COL16A1: variants seen among roughly 807,000 people sequenced by gnomAD.
COL16A1 encodes the protein collagen alpha-1(XVI) chain.
COL16A1 carries 189 observed loss-of-function variants against 266.3 expected under a neutral mutation model. The ratio of observed to expected loss-of-function variants is 0.71; its 90% CI spans 0.63 to 0.80. COL16A1 has a LOEUF of 0.80. Ranked by LOEUF, COL16A1 falls within the 30% of genes least tolerant of loss-of-function variation. The pLI, the probability that COL16A1 is intolerant of heterozygous loss-of-function variation, is 0.00. For synonymous variants in COL16A1, 740 were observed against 782.3 expected (o/e 0.95, Z 0.90); for missense variants, 1,928 against 2,122.4 (o/e 0.91, Z 1.80).
chr1:31,683,355 G>C lies in COL16A1; in HGVS notation c.2394C>G (p.Ala798=). ...GTACCTGAATGCCAGGCAAACCCGG[G>C]GCTCCAGGCTCCCCCTGCAAGTCAG... is the stretch of plus-strand genomic sequence containing the variant. ...GVQGPQGEPG[A]PGLPGIQGLP... Residue 798 remains alanine (A), a synonymous_variant, in exon 35 of 71, where the codon GCC becomes GCG. Coordinates refer to ENST00000373672, the MANE Select transcript of COL16A1 (RefSeq NM_001856.4). 1 of 1,614,110 alleles carries C rather than the reference G, an allele frequency of 6.2e-7. No individual in the cohort carries two copies.
At position 31,655,368 on chromosome 1, in the gene COL16A1, AGGGT is replaced by A; in HGVS notation, c.4232_4235del (p.His1411LeufsTer23). 1 of 1,613,970 alleles carries A rather than the reference AGGGT, an allele frequency of 6.2e-7. No individual in the cohort carries two copies. The highest frequency in any genetic ancestry group is 8.5e-7 in the Non-Finnish European group (1 of 1,179,970). Reference sequence around the variant, plus strand: ...GGCTCCCCGAAGGCCCCGGAGCTCCAGGGTGGCCTCTCTCTCCTGCAGGGCCCGG... The same window carrying A: ...GGCTCCCCGAAGGCCCCGGAGCTCCAGGCCTCTCTCTCCTGCAGGGCCCGG... On this transcript the variant is annotated frameshift_variant, in exon 67 of 71. Coordinates refer to ENST00000373672, the MANE Select transcript of COL16A1 (RefSeq NM_001856.4). LOFTEE classifies it high-confidence loss of function.
Position 31,683,949 on chromosome 1 carries a change from C to T in COL16A1, c.2337+1G>A. On this transcript the variant is annotated splice_donor_variant, in intron 33 of 70. Transcript: ENST00000373672. LOFTEE classifies it high-confidence loss of function. The stretch of plus-strand genomic sequence containing the variant: ...CCCAGGGCCCCAAGACTCACACATA[C>T]CTGCACGCCCTTCAGTCCTGGGGGC... 14 of 1,614,204 alleles carry T rather than the reference C, an allele frequency of 8.7e-6. No individual in the cohort carries two copies. Among genetic ancestry groups the T allele is most frequent in the Non-Finnish European group, 1.0e-5 (12 of 1,180,022 alleles).
rs781075818 is a variant in COL16A1, at chr1:31,692,533, G to A, written c.1159-24C>T. 5 of 1,614,056 alleles carry A rather than the reference G, an allele frequency of 3.1e-6. No individual in the cohort carries two copies. The South Asian group carries it at 5.5e-5, about 18-fold the overall frequency. ...CCCTGAGATGAGGAAGGGAGACAGA[G>A]GAAGGGAGGGTAAGGCTGGGCCCTG... is the stretch of plus-strand genomic sequence containing the variant. On this transcript the variant is annotated intron_variant, in intron 15 of 70. Transcript: ENST00000373672.
chr1:31,672,764 T>C lies in COL16A1; in HGVS notation c.2936A>G (p.Gln979Arg). Residue 979 changes from glutamine to arginine, a missense_variant, in exon 45 of 71, where the codon CAG becomes CGG. Coordinates refer to ENST00000373672, the MANE Select transcript of COL16A1 (RefSeq NM_001856.4). ...YLVEKGEKGD[Q>R]GIPGVPGLDN... is the part of the protein sequence containing the mutation. ...GAGGCCTGGCACACCAGGGATGCCC[T>C]GGTCTCCCTTCTCTCCCTTCTCCAC... 6.2e-7 allele frequency: 1 copy of C among 1,614,176 alleles called. No individual in the cohort carries two copies.
rs367997955 is a variant in COL16A1 at position 31,665,536 on chromosome 1, G to A, written c.3492+47C>T. 6.3e-5 allele frequency: 101 copies of A among 1,613,792 alleles called. 2 individuals are homozygous for A. The Middle Eastern group carries it at 5.1e-3, about 81-fold the overall frequency. On this transcript the variant is annotated intron_variant, in intron 55 of 70. Coordinates refer to ENST00000373672, the MANE Select transcript of COL16A1 (RefSeq NM_001856.4). ...TGGCCTGGTCAGGCCTGCCCCTCCC[G>A]ATGAGACCACATCAGACAGAGCTGG...
intron 52 of COL16A1, 192 bp from the exon 53 acceptor site, chr1:31,666,273 C>T (rs955557865): frequency 8.0e-6 from 5 of 621,720 alleles, no homozygotes; most frequent in African/African-American, 3.7e-5. Context: ...CCTCCTAACT[C>T]GTCCTGCCAC....
Position 31,683,981 on chromosome 1 carries a change from AC to A in COL16A1, c.2305del (p.Val769PhefsTer7). On this transcript the variant is annotated frameshift_variant, in exon 33 of 71. Transcript: ENST00000373672. LOFTEE classifies it high-confidence loss of function. ...GKPGQPGLPG[V>X]QGPPGLKGVQ... ...GCCCTTCAGTCCTGGGGGCCCTTGA[AC>A]TCCTGGTAGACCGGGTTGGCCCTAA... The A allele has an allele frequency of 6.2e-7, 1 of 1,614,014 alleles. No individual in the cohort carries two copies. Among genetic ancestry groups the A allele is most frequent in the Non-Finnish European group, 8.5e-7 (1 of 1,179,986 alleles).
intron 44 of COL16A1, chr1:31,673,180 C>T (rs147374249): frequency 6.0e-4 from 228 of 377,792 alleles, no homozygotes; most frequent in Admixed American, 5.4e-3. Flanking sequence ...CGAGGACAAG[C>T]CACGAGGAGT....
intron 31 of COL16A1, 93 bp downstream of exon 31, chr1:31,684,430 C>T (rs1320440033): frequency 3.3e-6 from 5 of 1,537,810 alleles, no homozygotes; most frequent in African/African-American, 1.4e-5. Context: ...CGTTAAGGCC[C>T]CAGCTGGCCC....
chr1:31,688,766 C>T lies in COL16A1; in HGVS notation c.1767+95G>A. ...CTGCCTCTTCCCCTCCCTCCTGATCCCTGCCCTGAGACTTGGGATCTGAAA... is the reference window on the plus strand; with the variant it reads ...CTGCCTCTTCCCCTCCCTCCTGATCTCTGCCCTGAGACTTGGGATCTGAAA... On this transcript the variant is annotated intron_variant, in intron 25 of 70. Coordinates refer to ENST00000373672, the MANE Select transcript of COL16A1 (RefSeq NM_001856.4). The surrounding 1 kb of genome is among the most constrained non-coding windows in gnomAD (Gnocchi z 4.9). The T allele has an allele frequency of 7.4e-7, 1 of 1,349,416 alleles. No homozygotes were observed. The highest frequency in any genetic ancestry group is 1.0e-6 in the Non-Finnish European group (1 of 970,228). 83.6% of individuals were successfully genotyped at this position (1,349,416 alleles called of 1,614,324 possible). A position where few individuals can be genotyped will look rare whatever the true frequency, so the allele number is the denominator to read the frequency against.
In COL16A1 at chr1:31,691,465, C is replaced by G; in HGVS notation, c.1350G>C (p.Gly450=). The change falls in exon 19 of 71, where the codon GGG becomes GGC. Residue 450 remains glycine, a synonymous_variant. Transcript: ENST00000373672. ...CAGGGGGTCCAGGGAGGCCGGGGGG[C>G]CCAGGCTCTCCTGCCAGCCCCTCAG... ...VGPEGLAGEP[G]PPGLPGPPGI... 1 of 1,613,230 alleles carries G rather than the reference C, an allele frequency of 6.2e-7. No individual in the cohort carries two copies. Among genetic ancestry groups the G allele is most frequent in the Non-Finnish European group, 8.5e-7 (1 of 1,179,552 alleles).
Position 31,691,458 on chromosome 1 carries a change from C to T in COL16A1, c.1357G>A (p.Gly453Ser), listed in dbSNP as rs1470600420. 5.6e-6 allele frequency: 9 copies of T among 1,612,834 alleles called. No individual in the cohort carries two copies. Among genetic ancestry groups the T allele is most frequent in the Admixed American group, 1.7e-5 (1 of 59,886 alleles). Residue 453 changes from glycine (G) to serine (S), a missense_variant, in exon 19 of 71, where the codon GGC becomes AGC. Physicochemically the swap from Gly to Ser is moderately conservative, Grantham distance 56. Transcript: ENST00000373672. Reference protein sequence around the residue: ...EGLAGEPGPPGLPGPPGIGLP... With the variant: ...EGLAGEPGPPSLPGPPGIGLP... ...CCTATCCCAGGGGGTCCAGGGAGGC[C>T]GGGGGGCCCAGGCTCTCCTGCCAGC...
At chr1:31,691,728 A>ACCCTCCCTGC in intron 17 of COL16A1, 86 bp from the exon 18 acceptor site, 2 of 1,391,188 alleles carry the variant, frequency 1.4e-6, no homozygotes, top group Non-Finnish European at 1.9e-6. Context: ...CACCTGTCCC[A>ACCCTCCCTGC]CCCTCCCTGC....
At position 31,656,514 on chromosome 1, in the gene COL16A1, A is replaced by G; in HGVS notation, c.4057-70T>C. ...TGAGGCTCCCTGGGGAGGCAGGTGC[A>G]GTGAAGAGGCCCCTTCCACAGCCTG... On this transcript the variant is annotated intron_variant, in intron 65 of 70. Transcript: ENST00000373672. This position sits in a 1 kb window ranked among gnomAD's most constrained non-coding sequence, Gnocchi z 4.2. The G allele has an allele frequency of 1.3e-6, 2 of 1,580,522 alleles. No homozygotes were observed. Among genetic ancestry groups the G allele is most frequent in the Admixed American group, 1.8e-5 (1 of 54,736 alleles).
In COL16A1 at chr1:31,668,913, A is replaced by T. The variant is rs1354619966; in HGVS notation, c.3196-58T>A. ...GCCGGCGGTCCCCACCCAGCCCCTGACTCCTTCCCCCTGCCCCACTGCCTT... is the reference window on the plus strand; with the variant it reads ...GCCGGCGGTCCCCACCCAGCCCCTGTCTCCTTCCCCCTGCCCCACTGCCTT... On this transcript the variant is annotated intron_variant, in intron 49 of 70. Transcript: ENST00000373672. The surrounding 1 kb of genome is among the most constrained non-coding windows in gnomAD (Gnocchi z 5.8). 1.3e-6 allele frequency: 2 copies of T among 1,485,624 alleles called. No individual in the cohort carries two copies. The highest frequency in any genetic ancestry group is 1.8e-5 in the Admixed American group (1 of 56,398). The allele number at this position is 1,485,624 out of a possible 1,614,324, so 92.0% of individuals were successfully genotyped here. A position where few individuals can be genotyped will look rare whatever the true frequency, so the allele number is the denominator to read the frequency against.
chr1:31,691,882 G>T, intron 17 of COL16A1, 123 bp downstream of exon 17: 1 of 1,491,924 alleles, frequency 6.7e-7, no homozygotes, highest in Non-Finnish European at 9.2e-7. Flanking sequence ...TGTGCCTCCT[G>T]TGGCACAGCC....
At chr1:31,665,499 C>T (rs1215096318) in intron 55 of COL16A1, 84 bp downstream of exon 55, 9 of 1,611,188 alleles carry the variant, frequency 5.6e-6, no homozygotes, top group African/African-American at 4.0e-5. Context: ...CCAGGACCAT[C>T]CTACCCCAGC....
rs753088171 is a variant in COL16A1, at chr1:31,653,950, G to A, written c.4451C>T (p.Pro1484Leu). Residue 1484 changes from proline to leucine, a missense_variant, in exon 69 of 71, where the codon CCG becomes CTG. Transcript: ENST00000373672. ...RPGPPGKDGA[P>L]GRPGAPGSPG... ...TGACCCTGGAGCACCTGGCCTGCCC[G>A]GAGCACCATCCTTCCCTGGAGGCCC... 3.0e-5 allele frequency: 48 copies of A among 1,614,058 alleles called. No individual in the cohort carries two copies. Among genetic ancestry groups the A allele is most frequent in the South Asian group, 2.3e-4 (21 of 91,090 alleles).
At position 31,692,593 on chromosome 1, in the gene COL16A1, C is replaced by G. The variant is rs762426764; in HGVS notation, c.1158+5G>C. 1.2e-6 allele frequency: 2 copies of G among 1,614,164 alleles called. No individual in the cohort carries two copies. Among genetic ancestry groups the G allele is most frequent in the Non-Finnish European group, 1.7e-6 (2 of 1,180,000 alleles). Reference sequence around the variant, plus strand: ...TCCCTGCCCTATCCCTGGTCCCACACTCACCAGAGCTCCTGACTCCCCCTT... The same window carrying G: ...TCCCTGCCCTATCCCTGGTCCCACAGTCACCAGAGCTCCTGACTCCCCCTT... On this transcript the variant is annotated splice_donor_5th_base_variant and intron_variant, in intron 15 of 70. Coordinates refer to ENST00000373672, the MANE Select transcript of COL16A1 (RefSeq NM_001856.4).
Sources: allele counts gnomAD v4.1 joint callset, GRCh38; gene constraint gnomAD v4.1.1; non-coding constraint Gnocchi (gnomAD v3.1); transcripts MANE v1.5; gene names NCBI Gene and HGNC (gene_info 2026-07-23, HGNC 2026-07-21).